The following CELF2 variants were observed in gnomAD, a reference collection of about 807,000 sequenced individuals.
The protein encoded by CELF2 is CUGBP Elav-like family member 2.
Under a neutral mutation model 62.6 loss-of-function variants are expected in CELF2, and 8 were observed. That is an observed-to-expected ratio of 0.13 (90% CI 0.07 to 0.23). CELF2 has a LOEUF of 0.23. CELF2 is among the 10% of genes least tolerant of loss of function. CELF2 has a pLI of 1.00. For missense variants in CELF2, 333 were observed against 671.0 expected (o/e 0.50, Z 5.56); for synonymous variants, 258 against 250.0 (o/e 1.03, Z -0.30).
intron 1 of CELF2, among the ~76,000 whole-genome samples, chr10:11,024,988 A>G (rs1177260496): frequency 6.6e-6 from 1 of 152,160 alleles, no homozygotes; most frequent in Non-Finnish European, 1.5e-5. Flanking sequence ...TTCTAAAGAA[A>G]GTTCACAGCT....
chr10:10,802,762 C>T (rs533168601), intron 1 of CELF2, among the ~76,000 whole-genome samples: 1 of 152,312 alleles, frequency 6.6e-6, no homozygotes, highest in East Asian at 1.9e-4. Flanking sequence ...GTTGCCAATT[C>T]CTCTTCCAAC....
At chr10:10,781,272 T>C in the CELF2 span, among the ~76,000 whole-genome samples, 1 of 152,238 alleles carries the variant, frequency 6.6e-6, no homozygotes, top group Non-Finnish European at 1.5e-5. Context: ...ACACAAATAC[T>C]TAGCATTGTG....
the CELF2 span, among the ~76,000 whole-genome samples, chr10:10,585,902 A>G: frequency 0.31 from 47,831 of 151,940 alleles, 7,886 homozygotes; most frequent in East Asian, 0.6. Context: ...GAATATTAAC[A>G]TCACCTTGAG....
the CELF2 span, among the ~76,000 whole-genome samples, chr10:10,592,813 C>T: frequency 9.2e-5 from 14 of 152,056 alleles, no homozygotes; most frequent in Non-Finnish European, 1.5e-4. Context: ...GGGGGCGTTG[C>T]GGTGTCCTCA....
chr10:11,196,388 G>C (rs560260164), intron 2 of CELF2, among the ~76,000 whole-genome samples: 1 of 152,304 alleles, frequency 6.6e-6, no homozygotes, highest in East Asian at 1.9e-4. Context: ...GAGGCCAGAC[G>C]TGGTGACTCA....
In CELF2 at chr10:11,257,817, A is replaced by T. The variant is rs761980166; in HGVS notation, c.483A>T (p.Pro161=). Residue 161 remains proline, a synonymous_variant, in exon 5 of 13, where the codon CCA becomes CCT. Transcript: ENST00000633077. The part of the protein sequence containing the change: ...NENDIRVMFS[P]FGQIEECRIL... Reference sequence around the variant, plus strand: ...ACGACATCAGGGTGATGTTCTCTCCATTTGGCCAGATAGAAGAATGCCGGA... The same window carrying T: ...ACGACATCAGGGTGATGTTCTCTCCTTTTGGCCAGATAGAAGAATGCCGGA... 6.2e-7 allele frequency: 1 copy of T among 1,614,216 alleles called. No individual in the cohort carries two copies. The highest frequency in any genetic ancestry group is 8.5e-7 in the Non-Finnish European group (1 of 1,180,028).
intron 4 of CELF2, among the ~76,000 whole-genome samples, chr10:11,250,843 T>C (rs980239942): frequency 7.9e-5 from 12 of 152,244 alleles, no homozygotes; most frequent in Admixed American, 5.9e-4. Flanking sequence ...CTATGAAATG[T>C]TGATTACTGT....
At chr10:11,226,125 A>C (rs2066452805) in intron 3 of CELF2, among the ~76,000 whole-genome samples, 1 of 152,176 alleles carries the variant, frequency 6.6e-6, no homozygotes, top group Non-Finnish European at 1.5e-5. Context: ...AGTCACCGTG[A>C]AGGAAGTAGC....
chr10:10,776,365 T>C, the CELF2 span: 1 of 153,512 alleles, frequency 6.5e-6, no homozygotes, highest in Non-Finnish European at 1.5e-5. Flanking sequence ...ATTGGAGAAA[T>C]GGTGAAAAAC....
At chr10:11,183,463 A>G (rs2074030326) in intron 2 of CELF2, among the ~76,000 whole-genome samples, 1 of 152,220 alleles carries the variant, frequency 6.6e-6, no homozygotes, top group African/African-American at 2.4e-5. Context: ...TAGACACCTT[A>G]AGAGTGGAAT....
chr10:10,593,357 T>A, the CELF2 span, among the ~76,000 whole-genome samples: 14 of 152,358 alleles, frequency 9.2e-5, no homozygotes, highest in East Asian at 2.7e-3. Context: ...GTAGAATGAC[T>A]TGAGTGACTT....
chr10:10,572,586 T>C, the CELF2 span, among the ~76,000 whole-genome samples: 1 of 151,418 alleles, frequency 6.6e-6, no homozygotes, highest in Non-Finnish European at 1.5e-5. Context: ...CAGCTCCCAC[T>C]TATAAGTGAG....
At chr10:10,700,034 C>T in the CELF2 span, among the ~76,000 whole-genome samples, 1,294 of 152,316 alleles carry the variant, frequency 8.5e-3, 6 homozygotes, top group African/African-American at 0.012. Flanking sequence ...ATTTCACCCC[C>T]ACTAGGTATC....
rs534961904 is a variant in CELF2, at chr10:10,991,564, C to G, written c.89+71565C>G. Among the ~76,000 whole-genome samples, 4 of 152,280 alleles carry G rather than the reference C, an allele frequency of 2.6e-5. No homozygotes were observed. The South Asian group carries it at 8.3e-4, about 32-fold the overall frequency. On this transcript the variant is annotated intron_variant, in intron 2 of 13. Transcript: ENST00000636488. ...GCCCATAACAAATTAGACTGTTACA[C>G]TGAGACAAGGTTATCTGAAGAAAAA...
In CELF2 at chr10:11,159,970, C is replaced by T. The variant is rs190890776; in HGVS notation, c.75-5516C>T. ...GGGCTCTCGCAGCACCCCAATTAAC[C>T]GGCCACTCAGCGGCCTGTCGGAGCC... is the stretch of plus-strand genomic sequence containing the variant. On this transcript the variant is annotated intron_variant, in intron 1 of 12. Transcript: ENST00000633077. This position sits in a 1 kb window ranked among gnomAD's most constrained non-coding sequence, Gnocchi z 5.0. Among the ~76,000 whole-genome samples the T allele has an allele frequency of 3.4e-4, 52 of 152,280 alleles. No individual in the cohort carries two copies. The highest frequency in any genetic ancestry group is 3.4e-3 in the Middle Eastern group (1 of 294).
rs568023367 is a variant in CELF2, at chr10:11,302,820, G to A, written c.977-11319G>A. Among the ~76,000 whole-genome samples, 19 of 152,258 alleles carry A rather than the reference G, an allele frequency of 1.2e-4. No individual in the cohort carries two copies. Among genetic ancestry groups the A allele is most frequent in the East Asian group, 5.8e-4 (3 of 5,196 alleles). On this transcript the variant is annotated intron_variant, in intron 9 of 12. Coordinates refer to ENST00000633077, the MANE Select transcript of CELF2 (RefSeq NM_001326342.2). This position sits in a 1 kb window ranked among gnomAD's most constrained non-coding sequence, Gnocchi z 5.0. Reference sequence around the variant, plus strand: ...TTTTCACATTGTTCCGCTGTGCTGCGGACAGTGGAAGTTGGAGCCTTCACC... The same window carrying A: ...TTTTCACATTGTTCCGCTGTGCTGCAGACAGTGGAAGTTGGAGCCTTCACC...
At chr10:11,108,240 AG>A (rs2054163717) in intron 1 of CELF2, among the ~76,000 whole-genome samples, 1 of 150,390 alleles carries the variant, frequency 6.6e-6, no homozygotes, top group African/African-American at 2.5e-5. Context: ...GGTTACCATT[AG>A]GATGTGTCAA....
At chr10:11,201,262 G>A (rs181066483) in intron 2 of CELF2, among the ~76,000 whole-genome samples, 125 of 152,254 alleles carry the variant, frequency 8.2e-4, no homozygotes, top group Non-Finnish European at 1.4e-3. Flanking sequence ...ATTAGGATAG[G>A]TTTAACTGTC....
intron 2 of CELF2, chr10:10,944,202 A>G (rs2047389282): frequency 6.5e-6 from 1 of 152,684 alleles, no homozygotes; most frequent in South Asian, 2.1e-4. Context: ...GATCCAGTAG[A>G]CACTTCAATG....
Sources: gnomAD v4.1 joint callset for allele counts (sites outside exome capture counted in the v4.1 genomes callset) on GRCh38, gnomAD v4.1.1 for gene constraint, Gnocchi (gnomAD v3.1) non-coding constraint, MANE v1.5 for transcripts, NCBI Gene and HGNC (gene_info 2026-07-23, HGNC 2026-07-21) for gene names.